Variants in CHD6 observed in about 807,000 individuals in gnomAD.
CHD6 encodes the protein chromodomain helicase DNA binding protein 6.
CHD6 carries 50 observed loss-of-function variants against 276.9 expected under a neutral mutation model. The observed-to-expected ratio is 0.18, with a 90% CI of 0.14 to 0.23. CHD6 has a LOEUF of 0.23. Ranked by LOEUF, CHD6 falls within the 10% of genes least tolerant of loss-of-function variation. CHD6 has a pLI of 1.00. For missense variants in CHD6, 2,564 were observed against 3,365.8 expected (o/e 0.76, Z 5.89); for synonymous variants, 1,173 against 1,229.3 (o/e 0.95, Z 0.96).
rs1029579656 is a variant in CHD6, at chr20:41,405,432, T to C, written c.7309A>G (p.Thr2437Ala). 6.2e-7 allele frequency: 1 copy of C among 1,606,570 alleles called. No homozygotes were observed. ...CGCCTCCCCCTCCTGCGGGGGCCCG[T>C]ATCTCGAAGAATAGGCTCAGCCAGA... ...HTLAEPILRDTGPRRRGRRPR... is the reference protein window; with the variant it reads ...HTLAEPILRDAGPRRRGRRPR... Residue 2437 changes from threonine (T) to alanine (A), a missense_variant, in exon 37 of 37, where the codon ACG (threonine) becomes GCG (alanine). By Grantham distance (58) the Thr-to-Ala change is moderately conservative. This residue lies in a region of CHD6 where 1,024 missense variants were observed against 1,047.9 expected (regional missense o/e 0.98). Transcript: ENST00000373233.
intron 17 of CHD6, among the ~76,000 whole-genome samples, chr20:41,459,802 T>A (rs1441267465): frequency 6.6e-6 from 1 of 152,164 alleles, no homozygotes; most frequent in Non-Finnish European, 1.5e-5. Flanking sequence ...ACTAATACAG[T>A]AAATTGGTAC....
intron 10 of CHD6, among the ~76,000 whole-genome samples, chr20:41,493,218 C>T (rs1353095958): frequency 1.3e-5 from 2 of 152,062 alleles, no homozygotes; most frequent in Non-Finnish European, 2.9e-5. Context: ...TACTACTGAG[C>T]TTCTCTTGCA....
At chr20:41,530,238 G>C (rs570051131) in intron 3 of CHD6, among the ~76,000 whole-genome samples, 1 of 152,264 alleles carries the variant, frequency 6.6e-6, no homozygotes, top group African/African-American at 2.4e-5. Flanking sequence ...ATTTAGAATT[G>C]AAAAGGGAGA....
intron 2 of CHD6, among the ~76,000 whole-genome samples, chr20:41,537,503 T>C (rs1421146127): frequency 6.6e-6 from 1 of 152,196 alleles, no homozygotes; most frequent in Non-Finnish European, 1.5e-5. Context: ...TTGGTATTCA[T>C]GTAAGGCGTT....
chr20:41,542,395 T>C (rs1021283309), intron 2 of CHD6, among the ~76,000 whole-genome samples: 5 of 152,170 alleles, frequency 3.3e-5, no homozygotes, highest in Admixed American at 1.3e-4. Flanking sequence ...GGCCTAGAGT[T>C]AGAAAGACTG....
chr20:41,537,306 A>G (rs1456886839), intron 2 of CHD6, among the ~76,000 whole-genome samples: 1 of 152,230 alleles, frequency 6.6e-6, no homozygotes, highest in Non-Finnish European at 1.5e-5. Flanking sequence ...AACAATTAAA[A>G]ATGACAATAC....
intron 27 of CHD6, among the ~76,000 whole-genome samples, chr20:41,431,776 C>CTTTTTTTTT (rs61227802): frequency 1.7e-4 from 18 of 104,750 alleles, no homozygotes; most frequent in African/African-American, 3.7e-4. Flanking sequence ...AAAAAACATG[C>CTTTTTTTTT]TTTTTTTTTT....
intron 5 of CHD6, among the ~76,000 whole-genome samples, chr20:41,508,799 C>T (rs2044040435): frequency 6.6e-6 from 1 of 151,666 alleles, no homozygotes; most frequent in South Asian, 2.1e-4. Flanking sequence ...TTAAGTGAGA[C>T]AGAGATGAAT....
intron 1 of CHD6, among the ~76,000 whole-genome samples, chr20:41,586,256 G>T (rs2045593273): frequency 6.6e-6 from 1 of 152,192 alleles, no homozygotes; most frequent in African/African-American, 2.4e-5. Flanking sequence ...AACTACTGCT[G>T]AACGCCGTCA....
intron 10 of CHD6, among the ~76,000 whole-genome samples, chr20:41,493,000 G>A (rs528945736): frequency 6.6e-6 from 1 of 152,118 alleles, no homozygotes; most frequent in Non-Finnish European, 1.5e-5. Flanking sequence ...GGCGCCCTGG[G>A]AGATCTTGGC....
intron 22 of CHD6, 117 bp downstream of exon 22, chr20:41,451,709 T>G (rs2048245735): frequency 1.1e-6 from 1 of 890,706 alleles, no homozygotes; most frequent in Non-Finnish European, 1.8e-6. Flanking sequence ...GGTAACATTC[T>G]GAAAAACACC....
Position 41,402,683 on chromosome 20 carries a change from T to C in CHD6, c.*1910A>G, listed in dbSNP as rs936165700. The C allele has an allele frequency of 9.3e-6, 2 of 215,568 alleles. No homozygotes were observed. The highest frequency in any genetic ancestry group is 1.9e-5 in the Non-Finnish European group (2 of 107,020). The allele number at this position is 215,568 out of a possible 1,614,324, so 13.4% of individuals were successfully genotyped here. ...AAAAAGAAAATTAGTACTTAAAAGG[T>C]TCAAAAATATATTGATTGAGTTATT... On this transcript the variant is annotated 3_prime_UTR_variant, in exon 37 of 37. Transcript: ENST00000373233.
rs187591842 is a variant in CHD6, at chr20:41,403,489, C to T, written c.*1104G>A. 9.1e-5 allele frequency: 97 copies of T among 1,062,264 alleles called. 1 individual carries two copies. The African/African-American group carries it at 1.6e-3, about 17-fold the overall frequency. 65.8% of individuals were successfully genotyped at this position (1,062,264 alleles called of 1,614,324 possible). ...TTAACTGATAATTTGGAATTTGGGT[C>T]CAACTGTAAGATATAAACAGAATGG... On this transcript the variant is annotated 3_prime_UTR_variant, in exon 37 of 37. Transcript: ENST00000373233.
At chr20:41,588,873 T>TG in intron 1 of CHD6, among the ~76,000 whole-genome samples, 1 of 152,194 alleles carries the variant, frequency 6.6e-6, no homozygotes, top group African/African-American at 2.4e-5. Flanking sequence ...AAAAGGTGAT[T>TG]GGGGGGATTC....
intron 34 of CHD6, 199 bp downstream of exon 34, chr20:41,414,987 A>T: frequency 7.1e-7 from 1 of 1,414,614 alleles, no homozygotes; most frequent in Non-Finnish European, 9.2e-7. Flanking sequence ...CCAGGCTGTA[A>T]GCAGATTAAG....
rs150938014 is a variant in CHD6, at chr20:41,489,530, A to C, written c.1680+248T>G. 1.2e-3 allele frequency among the ~76,000 whole-genome samples: 178 copies of C among 152,318 alleles called. 1 individual carries two copies. The highest frequency in any genetic ancestry group is 4.1e-3 in the African/African-American group (170 of 41,564). ...AAAGTAACTTCATAAACCAATAAGT[A>C]AGTCAAACTTTCAGTGTCCTAAAAA... On this transcript the variant is annotated intron_variant, in intron 12 of 36. Transcript: ENST00000373233.
intron 7 of CHD6, chr20:41,497,765 G>C: frequency 2.0e-6 from 1 of 503,254 alleles, no homozygotes; most frequent in South Asian, 2.3e-5. Context: ...CTGTGGGCAG[G>C]TTATCATTAA....
At position 41,421,799 on chromosome 20, in the gene CHD6, A is replaced by G. The variant is rs770105834; in HGVS notation, c.4836T>C (p.Tyr1612=). The change falls in exon 31 of 37, where the codon TAT becomes TAC. Residue 1612 remains tyrosine, a synonymous_variant. Transcript: ENST00000373233. ...NDPQLSFLDA[Y]RNYAQHKRSG... is the part of the protein sequence containing the mutation. Reference sequence around the variant, plus strand: ...ATCTTTTATGCTGGGCATAGTTTCTATAGGCATCCAGGAAGGACAGCTGGG... The same window carrying G: ...ATCTTTTATGCTGGGCATAGTTTCTGTAGGCATCCAGGAAGGACAGCTGGG... The G allele has an allele frequency of 1.5e-5, 24 of 1,614,176 alleles. No homozygotes were observed. Among genetic ancestry groups the G allele is most frequent in the Non-Finnish European group, 2.0e-5 (24 of 1,180,032 alleles).
chr20:41,479,573 G>C (rs926541813), intron 16 of CHD6, among the ~76,000 whole-genome samples: 6 of 152,064 alleles, frequency 3.9e-5, no homozygotes, highest in African/African-American at 1.4e-4. Flanking sequence ...TAATATGAAA[G>C]ACAGATACAA....
Sources: allele counts gnomAD v4.1 joint callset (sites outside exome capture counted in the v4.1 genomes callset), GRCh38; gene constraint gnomAD v4.1.1; regional missense constraint gnomAD v4.1.1; transcripts MANE v1.5; gene names NCBI Gene and HGNC (gene_info 2026-07-23, HGNC 2026-07-21).